WDFY2: variants seen among roughly 807,000 people sequenced by gnomAD.
WDFY2 encodes the protein WD repeat and FYVE domain-containing protein 2.
Under a neutral mutation model 56.4 loss-of-function variants are expected in WDFY2, and 36 were observed. That is an observed-to-expected ratio of 0.64 (90% CI 0.49 to 0.84). The LOEUF is 0.84. Ranked by LOEUF, WDFY2 falls within the 40% of genes least tolerant of loss-of-function variation. The probability of loss-of-function intolerance (pLI) is 0.00; values close to 1 mark genes in which losing one functional copy is unlikely to be tolerated. For synonymous variants in WDFY2, 176 were observed against 183.7 expected (o/e 0.96, Z 0.34); for missense variants, 444 against 512.2 (o/e 0.87, Z 1.29).
intron 2 of WDFY2, among the ~76,000 whole-genome samples, chr13:51,664,048 A>G (rs1955659729): frequency 6.6e-6 from 1 of 152,216 alleles, no homozygotes; most frequent in African/African-American, 2.4e-5. Context: ...TTGAAGTTTA[A>G]TGAAAGGAAG....
intron 6 of WDFY2, among the ~76,000 whole-genome samples, chr13:51,730,211 T>C (rs1291505189): frequency 6.6e-6 from 1 of 152,214 alleles, no homozygotes; most frequent in African/African-American, 2.4e-5. Context: ...TCACTTCCAA[T>C]TTGCCTTCCA....
At chr13:51,725,702 T>A (rs1379801712) in intron 5 of WDFY2, among the ~76,000 whole-genome samples, 1 of 151,838 alleles carries the variant, frequency 6.6e-6, no homozygotes, top group Non-Finnish European at 1.5e-5. Flanking sequence ...ACAATTTTTT[T>A]TTTTTTTTTA....
chr13:51,699,410 C>A (rs921361946), intron 3 of WDFY2, among the ~76,000 whole-genome samples: 2 of 152,210 alleles, frequency 1.3e-5, no homozygotes, highest in Admixed American at 1.3e-4. Flanking sequence ...TAATGCATCA[C>A]CGTCTTTCTC....
At chr13:51,684,532 T>C (rs1485342572) in intron 3 of WDFY2, among the ~76,000 whole-genome samples, 2 of 152,118 alleles carry the variant, frequency 1.3e-5, no homozygotes, top group Non-Finnish European at 2.9e-5. Context: ...AATTATCCTA[T>C]ACCTACAGTT....
At chr13:51,595,317 C>T (rs1417578205) in intron 1 of WDFY2, among the ~76,000 whole-genome samples, 2 of 152,194 alleles carry the variant, frequency 1.3e-5, no homozygotes, top group African/African-American at 4.8e-5. Context: ...GCATTATAAA[C>T]TGGCAACTAG....
intron 3 of WDFY2, among the ~76,000 whole-genome samples, chr13:51,693,201 TA>T (rs1951783875): frequency 6.6e-6 from 1 of 151,176 alleles, no homozygotes; most frequent in Non-Finnish European, 1.5e-5. Context: ...TCCTTCATTT[TA>T]GTTATTTCTT....
intron 1 of WDFY2, chr13:51,591,049 C>T (rs1246182977): frequency 6.6e-6 from 1 of 152,238 alleles, no homozygotes; most frequent in African/African-American, 2.4e-5. Flanking sequence ...TCTGCATTGA[C>T]CTTGGCATTT....
intron 6 of WDFY2, among the ~76,000 whole-genome samples, chr13:51,729,460 C>T (rs1458795006): frequency 6.6e-6 from 1 of 151,920 alleles, no homozygotes; most frequent in African/African-American, 2.4e-5. Context: ...ATATCCCCCT[C>T]ACCCCAACAA....
chr13:51,689,128 A>G (rs972460923), intron 3 of WDFY2, among the ~76,000 whole-genome samples: 3 of 152,214 alleles, frequency 2.0e-5, no homozygotes, highest in African/African-American at 7.2e-5. Context: ...GGTTACATCC[A>G]AACCTGTGTG....
intron 1 of WDFY2, among the ~76,000 whole-genome samples, chr13:51,629,826 C>CTTTTTTTTTTTTTTTTTT (rs11432630): frequency 7.2e-5 from 9 of 125,140 alleles, no homozygotes; most frequent in East Asian, 2.3e-4. Flanking sequence ...TCTTTCTTTT[C>CTTTTTTTTTTTTTTTTTT]TTTTTTTTTT....
At chr13:51,646,444 G>A (rs1593926914) in intron 1 of WDFY2, among the ~76,000 whole-genome samples, 1 of 152,264 alleles carries the variant, frequency 6.6e-6, no homozygotes, top group East Asian at 1.9e-4. Context: ...GCCCCCACGT[G>A]CCCCTATCAC....
chr13:51,726,418 G>A (rs752629257), intron 5 of WDFY2, among the ~76,000 whole-genome samples: 6 of 152,202 alleles, frequency 3.9e-5, no homozygotes, highest in Non-Finnish European at 8.8e-5. Context: ...CCTTGGGCAT[G>A]TGTCATTCTG....
chr13:51,688,072 A>G (rs1566124284), intron 3 of WDFY2, among the ~76,000 whole-genome samples: 1 of 152,124 alleles, frequency 6.6e-6, no homozygotes, highest in Non-Finnish European at 1.5e-5. Context: ...TGTAGGAGAA[A>G]TTGAGTGGGG....
chr13:51,636,703 T>G (rs1370296588), intron 1 of WDFY2, among the ~76,000 whole-genome samples: 3 of 152,198 alleles, frequency 2.0e-5, no homozygotes, highest in Non-Finnish European at 4.4e-5. Flanking sequence ...CTTTGGATCA[T>G]GATCCATCTA....
chr13:51,739,550 TC>T (rs1177027194), intron 7 of WDFY2, among the ~76,000 whole-genome samples: 1 of 152,192 alleles, frequency 6.6e-6, no homozygotes, highest in Non-Finnish European at 1.5e-5. Context: ...AAATGTGGCT[TC>T]AAGCTCCTTG....
At chr13:51,719,138 A>G (rs562444617) in intron 4 of WDFY2, 60 bp from the exon 5 acceptor site, 2 of 1,609,858 alleles carry the variant, frequency 1.2e-6, no homozygotes, top group African/African-American at 1.3e-5. Context: ...TCTGTGGGCC[A>G]TGTTCTTCCA....
chr13:51,607,593 G>A (rs1269648734), intron 1 of WDFY2, among the ~76,000 whole-genome samples: 1 of 151,756 alleles, frequency 6.6e-6, no homozygotes, highest in Non-Finnish European at 1.5e-5. Context: ...ATCATCAATG[G>A]CATCTTAGAG....
In WDFY2 at chr13:51,756,664, A is replaced by G. The variant is rs1228774807; in HGVS notation, c.1064+202A>G. On this transcript the variant is annotated intron_variant, in intron 10 of 11. Coordinates refer to ENST00000298125, the MANE Select transcript of WDFY2 (RefSeq NM_052950.4). ...GATGAGAGAAGAGAAAATACACTCAAAGAATTCATCTCTGTGTTCTTTCTA... is the reference window on the plus strand; with the variant it reads ...GATGAGAGAAGAGAAAATACACTCAGAGAATTCATCTCTGTGTTCTTTCTA... 3.1e-6 allele frequency: 3 copies of G among 983,596 alleles called. No individual in the cohort carries two copies. The African/African-American group carries it at 5.2e-5, about 17-fold the overall frequency. 60.9% of individuals were successfully genotyped at this position (983,596 alleles called of 1,614,324 possible).
intron 3 of WDFY2, among the ~76,000 whole-genome samples, chr13:51,691,705 T>C (rs1393547661): frequency 6.6e-6 from 1 of 151,988 alleles, no homozygotes; most frequent in Non-Finnish European, 1.5e-5. Flanking sequence ...CATGTGAACT[T>C]TAAAGTAGTT....
Sources: allele counts gnomAD v4.1 joint callset (sites outside exome capture counted in the v4.1 genomes callset), GRCh38; gene constraint gnomAD v4.1.1; transcripts MANE v1.5; gene names NCBI Gene and HGNC (gene_info 2026-07-23, HGNC 2026-07-21).